The following DNAH8 variants were observed in gnomAD, a reference collection of about 807,000 sequenced individuals.
DNAH8 encodes the protein axonemal beta dynein heavy chain 8.
In DNAH8, 382 loss-of-function variants were observed where a neutral mutation model predicts 562.1. That is an observed-to-expected ratio of 0.68 (90% CI 0.63 to 0.74). The LOEUF (loss-of-function observed/expected upper bound fraction) is 0.74, where lower values mean the gene tolerates loss of function less well. DNAH8 is among the 30% of genes least tolerant of loss of function. DNAH8 has a pLI of 0.00. For synonymous variants in DNAH8, 1,881 were observed against 1,919.4 expected (o/e 0.98, Z 0.52); for missense variants, 5,203 against 5,620.4 (o/e 0.93, Z 2.37).
rs187133105 is a variant in DNAH8, at chr6:38,802,231, C to T, written c.2902-948C>T. Among the ~76,000 whole-genome samples the T allele has an allele frequency of 6.9e-4, 105 of 152,114 alleles. 1 individual carries two copies. The highest frequency in any genetic ancestry group is 5.0e-3 in the Admixed American group (76 of 15,282). ...GATTACAGGTATGAGCCACTGCACC[C>T]GGCCCTGATTTACTTTTACGTTTTT... is the stretch of plus-strand genomic sequence containing the variant. On this transcript the variant is annotated intron_variant, in intron 21 of 92. Transcript: ENST00000327475.
At chr6:38,766,135 T>TTGTGTGTGTGTG (rs774448668) in intron 11 of DNAH8, among the ~76,000 whole-genome samples, 465 of 129,014 alleles carry the variant, frequency 3.6e-3, no homozygotes, top group African/African-American at 0.014. Flanking sequence ...ATGTATGTGT[T>TTGTGTGTGTGTG]TGTATGTGTG....
chr6:38,834,615 G>A lies in DNAH8; in HGVS notation c.4339G>A (p.Ala1447Thr), dbSNP rs1467750887. ...PMVPNIPPQE[A>T]SNRLQIFQAS... The stretch of plus-strand genomic sequence containing the variant: ...GGTTCCAAATATACCACCCCAAGAA[G>A]CTAGCAACAGGCTACAGATATTTCA... Residue 1447 changes from alanine to threonine, a missense_variant, in exon 32 of 93, where the codon GCT becomes ACT. Physicochemically the swap from Ala to Thr is moderately conservative, Grantham distance 58. This residue lies in a region of DNAH8 where 2,176 missense variants were observed against 2,365.1 expected (regional missense o/e 0.92). Coordinates refer to ENST00000327475, the MANE Select transcript of DNAH8 (RefSeq NM_001206927.2). 6.2e-7 allele frequency: 1 copy of A among 1,607,420 alleles called. No homozygotes were observed. The highest frequency in any genetic ancestry group is 1.7e-5 in the Admixed American group (1 of 59,098).
chr6:38,724,270 C>A (rs954950430), intron 3 of DNAH8, among the ~76,000 whole-genome samples: 1 of 152,014 alleles, frequency 6.6e-6, no homozygotes, highest in African/African-American at 2.4e-5. Flanking sequence ...CGTGAGCCAC[C>A]GCACCTGGCC....
rs377254876 is a variant in DNAH8, at chr6:38,874,068, T to TTCTTTCTTTCTTTCTTTTTCTTTC, written c.7620+693_7620+694insCTTTCTTTCTTTCTTTTTCTTTCT. On this transcript the variant is annotated intron_variant, in intron 52 of 92. Coordinates refer to ENST00000327475, the MANE Select transcript of DNAH8 (RefSeq NM_001206927.2). ...TTTCTTTCTTTCTTTCTTTCTTTCT[T>TTCTTTCTTTCTTTCTTTTTCTTTC]TTTCTTTCTTTCTTTCTTTCTTTCT... Among the ~76,000 whole-genome samples the TTCTTTCTTTCTTTCTTTTTCTTTC allele has an allele frequency of 1.4e-4, 8 of 57,062 alleles. 3 individuals carry two copies. The highest frequency in any genetic ancestry group is 2.1e-4 in the Non-Finnish European group (6 of 28,488). The allele number at this position is 57,062 out of a possible 152,430, so 37.4% of individuals were successfully genotyped here. A position where few individuals can be genotyped will look rare whatever the true frequency, so the allele number is the denominator to read the frequency against.
intron 62 of DNAH8, among the ~76,000 whole-genome samples, chr6:38,901,027 T>C (rs1780042213): frequency 6.6e-6 from 1 of 152,212 alleles, no homozygotes; most frequent in South Asian, 2.1e-4. Context: ...TAGGCTCTTT[T>C]GTGAATTATA....
chr6:38,723,387 A>C lies in DNAH8; in HGVS notation c.441A>C (p.Ser147=), dbSNP rs1256272140. ...GCCGAAGACTGAAAATTGACCCTTC[A>C]TACAAATATATATTTGAAATTCTAG... ...RESRRLKIDP[S]YKYIFEILAE... Residue 147 remains serine, a synonymous_variant, in exon 3 of 93, where the codon TCA becomes TCC. Transcript: ENST00000327475. 5.0e-6 allele frequency: 8 copies of C among 1,612,290 alleles called. No individual in the cohort carries two copies. The highest frequency in any genetic ancestry group is 4.2e-6 in the Non-Finnish European group (5 of 1,179,802).
At chr6:38,961,830 G>A (rs1332381179) in intron 82 of DNAH8, among the ~76,000 whole-genome samples, 1 of 151,858 alleles carries the variant, frequency 6.6e-6, no homozygotes, top group Admixed American at 6.6e-5. Flanking sequence ...TAGAAGATAT[G>A]GCTAATGTAT....
At chr6:38,946,620 C>T (rs1185127750) in intron 80 of DNAH8, among the ~76,000 whole-genome samples, 1 of 152,134 alleles carries the variant, frequency 6.6e-6, no homozygotes. Context: ...ACCAGCCTGA[C>T]CAACATAGTG....
In DNAH8 at chr6:38,822,955, GA is replaced by G; in HGVS notation, c.3644del (p.Lys1215ArgfsTer23). 6.2e-7 allele frequency: 1 copy of G among 1,613,620 alleles called. No individual in the cohort carries two copies. The highest frequency in any genetic ancestry group is 8.5e-7 in the Non-Finnish European group (1 of 1,179,838). Reference sequence around the variant, plus strand: ...CTTTCTTCCTCTGTAAATTCCCTAAGAAAGGCAGCTCATGAGGCCCTGCAGG... The same window carrying G: ...CTTTCTTCCTCTGTAAATTCCCTAAGAAGGCAGCTCATGAGGCCCTGCAGG... ...LLLSSSVNSLRKAAHEALQDF... is the reference protein window; with the variant it reads ...LLLSSSVNSLXKAAHEALQDF... On this transcript the variant is annotated frameshift_variant, in exon 27 of 93. Transcript: ENST00000327475. LOFTEE classifies it high-confidence loss of function.
rs1397911621 is a variant in DNAH8 at position 38,913,150 on chromosome 6, G to A, written c.9860-699G>A. ...AATGTTCTTGAGGTTATTTACTTCTGTCTGTATGGTAGGAATATTACATAA... is the reference window on the plus strand; with the variant it reads ...AATGTTCTTGAGGTTATTTACTTCTATCTGTATGGTAGGAATATTACATAA... On this transcript the variant is annotated intron_variant, in intron 66 of 92. Transcript: ENST00000327475. Among the ~76,000 whole-genome samples, 6 of 152,276 alleles carry A rather than the reference G, an allele frequency of 3.9e-5. No individual in the cohort carries two copies. The East Asian group carries it at 5.8e-4, about 15-fold the overall frequency.
chr6:38,855,695 A>G (rs1174335579), intron 41 of DNAH8, among the ~76,000 whole-genome samples: 1 of 152,150 alleles, frequency 6.6e-6, no homozygotes, highest in African/African-American at 2.4e-5. Context: ...ATTCTTAACT[A>G]TAGTTATCCT....
chr6:38,855,031 A>ATATAAGTATATATGAATATATT (rs1776076114), intron 41 of DNAH8, among the ~76,000 whole-genome samples: 4 of 148,608 alleles, frequency 2.7e-5, no homozygotes, highest in Non-Finnish European at 4.5e-5. Flanking sequence ...GAATATATTC[A>ATATAAGTATATATGAATATATT]CATAAGTATA....
chr6:38,959,188 G>A (rs934367606), intron 82 of DNAH8, among the ~76,000 whole-genome samples: 8 of 152,146 alleles, frequency 5.3e-5, no homozygotes, highest in African/African-American at 1.4e-4. Context: ...ACTGGGAAAA[G>A]TTGAAAGCTT....
chr6:39,027,505 G>A (rs1009644927), intron 92 of DNAH8, among the ~76,000 whole-genome samples: 6 of 152,312 alleles, frequency 3.9e-5, no homozygotes, highest in Non-Finnish European at 7.3e-5. Flanking sequence ...ATCTTCATCT[G>A]CAAAATGAGC....
At chr6:38,756,509 C>T (rs1232162889) in intron 10 of DNAH8, among the ~76,000 whole-genome samples, 1 of 151,630 alleles carries the variant, frequency 6.6e-6, no homozygotes, top group Admixed American at 6.6e-5. Flanking sequence ...TTTAAATTTG[C>T]TAGCCAATGT....
intron 89 of DNAH8, among the ~76,000 whole-genome samples, 187 bp downstream of exon 89, chr6:39,009,157 T>C (rs1766011380): frequency 6.6e-6 from 1 of 152,218 alleles, no homozygotes; most frequent in African/African-American, 2.4e-5. Context: ...TCTTCAAAAC[T>C]TAAAAATATC....
In DNAH8 at chr6:38,868,111, T is replaced by C; in HGVS notation, c.6743T>C (p.Leu2248Pro). The C allele has an allele frequency of 6.2e-7, 1 of 1,613,782 alleles. No individual in the cohort carries two copies. The highest frequency in any genetic ancestry group is 8.5e-7 in the Non-Finnish European group (1 of 1,179,706). The change falls in exon 48 of 93, where the codon CTT becomes CCT. Residue 2248 changes from leucine (L) to proline (P), a missense_variant. By Grantham distance (98) the Leu-to-Pro change is moderately conservative (BLOSUM62 -3). Coordinates refer to ENST00000327475, the MANE Select transcript of DNAH8 (RefSeq NM_001206927.2). ...LRNILSVLRTLGSQKRARPED... is the reference protein window; with the variant it reads ...LRNILSVLRTPGSQKRARPED... The stretch of plus-strand genomic sequence containing the variant: ...AATATTCTGTCTGTATTGAGGACTC[T>C]TGGATCTCAAAAAAGAGCCAGACCA...
rs1231733057 is a variant in DNAH8 at position 38,857,653 on chromosome 6, A to G, written c.5869A>G (p.Thr1957Ala). Residue 1957 changes from threonine (T) to alanine (A), a missense_variant, in exon 42 of 93, where the codon ACA becomes GCA. Physicochemically the swap from Thr to Ala is moderately conservative, Grantham distance 58. This residue lies in a region of DNAH8 where 2,176 missense variants were observed against 2,365.1 expected (regional missense o/e 0.92). Transcript: ENST00000327475. The stretch of plus-strand genomic sequence containing the variant: ...TATTCTAAATACTCTCATTAGTCAG[A>G]CAACACATGATCTAAGCAAGTTTGA... ...LDILNTLISQ[T>A]THDLSKFDRV... 1 of 1,613,612 alleles carries G rather than the reference A, an allele frequency of 6.2e-7. No homozygotes were observed. The highest frequency in any genetic ancestry group is 1.7e-5 in the Admixed American group (1 of 60,006).
intron 1 of DNAH8, among the ~76,000 whole-genome samples, chr6:38,718,678 A>T (rs1003870848): frequency 2.6e-4 from 39 of 152,134 alleles, no homozygotes; most frequent in Admixed American, 8.5e-4. Flanking sequence ...CCTGATTATC[A>T]ATTTTCAGTG....
Sources: allele counts gnomAD v4.1 joint callset (sites outside exome capture counted in the v4.1 genomes callset), GRCh38; gene constraint gnomAD v4.1.1; regional missense constraint gnomAD v4.1.1; transcripts MANE v1.5; gene names NCBI Gene and HGNC (gene_info 2026-07-23, HGNC 2026-07-21).